The following LARS1 variants were observed in gnomAD, a reference collection of about 807,000 sequenced individuals.
The protein encoded by LARS1 is leucine--tRNA ligase, cytoplasmic.
LARS1 carries 100 observed loss-of-function variants against 162.8 expected under a neutral mutation model. The ratio of observed to expected loss-of-function variants is 0.61; its 90% CI spans 0.52 to 0.73. LARS1 has a LOEUF of 0.73. LARS1 is among the 30% of genes least tolerant of loss of function. The pLI is 0.00. For missense variants in LARS1, 1,258 were observed against 1,408.9 expected, an observed-to-expected ratio of 0.89 and a Z score of 1.71; for synonymous variants, 457 against 462.8, an observed-to-expected ratio of 0.99 and a Z score of 0.16.
intron 31 of LARS1, among the ~76,000 whole-genome samples, chr5:146,119,166 T>C (rs77640403): frequency 0.035 from 5,290 of 152,228 alleles, 321 homozygotes; most frequent in African/African-American, 0.12. Flanking sequence ...TACATTATCA[T>C]ACACTGCAAT....
At chr5:146,145,572 T>C (rs1307712977) in intron 15 of LARS1, among the ~76,000 whole-genome samples, 5 of 152,218 alleles carry the variant, frequency 3.3e-5, no homozygotes, top group Non-Finnish European at 5.9e-5. Context: ...CCTAAATACT[T>C]TAAGCATGAA....
intron 29 of LARS1, 147 bp from the exon 30 acceptor site, chr5:146,122,734 A>AAC (rs1751881778): frequency 9.1e-6 from 4 of 441,776 alleles, no homozygotes; most frequent in African/African-American, 2.0e-5. Context: ...TATAAATATT[A>AAC]AATGAAATCT....
intron 22 of LARS1, among the ~76,000 whole-genome samples, chr5:146,134,516 A>G (rs1469940141): frequency 2.0e-5 from 3 of 152,254 alleles, no homozygotes; most frequent in African/African-American, 7.2e-5. Flanking sequence ...GACTAATTAT[A>G]TAAGAAATGA....
At chr5:146,146,746 C>T (rs1309520508) in intron 15 of LARS1, among the ~76,000 whole-genome samples, 1 of 150,784 alleles carries the variant, frequency 6.6e-6, no homozygotes, top group Non-Finnish European at 1.5e-5. Flanking sequence ...TGAGACAGCG[C>T]TCTGTCGCCC....
At chr5:146,137,700 C>A in intron 21 of LARS1, 1 of 200,360 alleles carries the variant, frequency 5.0e-6, no homozygotes, top group Non-Finnish European at 1.0e-5. Flanking sequence ...ATAGCTCTTC[C>A]CATCATCTTG....
Position 146,157,494 on chromosome 5 carries a change from A to G in LARS1, c.974T>C (p.Ile325Thr). 1 of 1,614,200 alleles carries G rather than the reference A, an allele frequency of 6.2e-7. No individual in the cohort carries two copies. Among genetic ancestry groups the G allele is most frequent in the South Asian group, 1.1e-5 (1 of 91,088 alleles). The part of the protein sequence containing the change: ...GFETVNGDIF[I>T]CTQKAARNMS... ...ATTCCTGGCTGCTTTTTGGGTACAGATGAATATATCACCATTCACCGTCTC... is the reference window on the plus strand; with the variant it reads ...ATTCCTGGCTGCTTTTTGGGTACAGGTGAATATATCACCATTCACCGTCTC... Residue 325 changes from isoleucine to threonine, a missense_variant, in exon 10 of 32, where the codon ATC (isoleucine) becomes ACC (threonine). Coordinates refer to ENST00000394434, the MANE Select transcript of LARS1 (RefSeq NM_020117.11).
intron 15 of LARS1, 88 bp from the exon 16 acceptor site, chr5:146,144,797 A>G (rs1012270615): frequency 1.1e-4 from 125 of 1,143,946 alleles, no homozygotes; most frequent in Non-Finnish European, 5.2e-5. Flanking sequence ...AAAAAATGCT[A>G]TACCACCAAT....
chr5:146,176,194 C>A (rs1254600121), intron 2 of LARS1, among the ~76,000 whole-genome samples: 1 of 151,850 alleles, frequency 6.6e-6, no homozygotes, highest in East Asian at 1.9e-4. Context: ...TGGCTTATGC[C>A]TGTAATCCCG....
intron 31 of LARS1, among the ~76,000 whole-genome samples, 185 bp from the exon 32 acceptor site, chr5:146,114,496 G>A (rs1444253023): frequency 6.6e-6 from 1 of 152,122 alleles, no homozygotes; most frequent in African/African-American, 2.4e-5. Context: ...CACTTTGGAA[G>A]GCTGAGGCGG....
chr5:146,122,967 T>C (rs1273001293), intron 29 of LARS1, among the ~76,000 whole-genome samples: 1 of 151,956 alleles, frequency 6.6e-6, no homozygotes, highest in Non-Finnish European at 1.5e-5. Context: ...CTCAGAAATA[T>C]AGCACAGTGC....
chr5:146,159,087 C>G (rs1300835028), intron 8 of LARS1, among the ~76,000 whole-genome samples: 1 of 150,506 alleles, frequency 6.6e-6, no homozygotes, highest in Admixed American at 6.6e-5. Context: ...AAGAGCAAGA[C>G]TCCGTCTGAA....
chr5:146,149,736 A>G (rs184326242), intron 14 of LARS1, 37 bp from the exon 15 acceptor site: 76 of 1,452,294 alleles, frequency 5.2e-5, no homozygotes, highest in Non-Finnish European at 6.9e-5. Flanking sequence ...CACATATAAA[A>G]CAGTTAGAAT....
chr5:146,114,332 A>G (rs1336643529), intron 31 of LARS1, 21 bp from the exon 32 acceptor site: 1 of 1,591,628 alleles, frequency 6.3e-7, no homozygotes. Flanking sequence ...ATAAATTATC[A>G]ATATAAGCAT....
At position 146,124,009 on chromosome 5, in the gene LARS1, A is replaced by G; in HGVS notation, c.3069T>C (p.Asn1023=). Residue 1023 remains asparagine (N), a synonymous_variant, in exon 29 of 32, where the codon AAT becomes AAC. Coordinates refer to ENST00000394434, the MANE Select transcript of LARS1 (RefSeq NM_020117.11). ...CAAGCGAATTAGTCAGATAGACTAT[A>G]TTCTCCATAAGCACAGCCTTTTCAT... is the stretch of plus-strand genomic sequence containing the variant. ...EFDEKAVLME[N]IVYLTNSLEL... 1.9e-6 allele frequency: 3 copies of G among 1,608,290 alleles called. No homozygotes were observed. Among genetic ancestry groups the G allele is most frequent in the Non-Finnish European group, 2.6e-6 (3 of 1,175,686 alleles).
chr5:146,123,977 C>T lies in LARS1; in HGVS notation c.3096+5G>A, dbSNP rs1417608557. ...ACTGGTTATTACAATCCCTGGCCCT[C>T]TTACCTCAAGCGAATTAGTCAGATA... is the stretch of plus-strand genomic sequence containing the variant. On this transcript the variant is annotated splice_donor_5th_base_variant and intron_variant, in intron 29 of 31. Transcript: ENST00000394434. 6.5e-7 allele frequency: 1 copy of T among 1,541,250 alleles called. No homozygotes were observed.
chr5:146,171,363 A>T (rs1032076034), intron 4 of LARS1, among the ~76,000 whole-genome samples: 9 of 152,052 alleles, frequency 5.9e-5, no homozygotes, highest in Non-Finnish European at 8.8e-5. Context: ...GTCTCAAAAA[A>T]AAAATAAAAT....
At chr5:146,144,730 A>G (rs1274144181) in intron 15 of LARS1, 21 bp from the exon 16 acceptor site, 8 of 1,566,486 alleles carry the variant, frequency 5.1e-6, no homozygotes, top group Non-Finnish European at 7.0e-6. Context: ...GTAAATAAAC[A>G]TACATTAGAT....
intron 27 of LARS1, among the ~76,000 whole-genome samples, chr5:146,127,261 A>G (rs1176923414): frequency 2.0e-5 from 3 of 152,128 alleles, no homozygotes; most frequent in African/African-American, 4.8e-5. Flanking sequence ...AACTTTTACT[A>G]AAGTACATGG....
In LARS1 at chr5:146,133,083, TGGAA is replaced by T; in HGVS notation, c.2213-6_2213-3del. On this transcript the variant is annotated splice_region_variant and splice_polypyrimidine_tract_variant and intron_variant, in intron 22 of 31. Transcript: ENST00000394434. ...CATCAGCCAGAGCCAAACGCATTCC[TGGAA>T]GAAGAAAAAAAAATTCAATGCATTA... 1 of 1,610,050 alleles carries T rather than the reference TGGAA, an allele frequency of 6.2e-7. No individual in the cohort carries two copies. Among genetic ancestry groups the T allele is most frequent in the Non-Finnish European group, 8.5e-7 (1 of 1,178,644 alleles).
Sources: allele counts gnomAD v4.1 joint callset (sites outside exome capture counted in the v4.1 genomes callset), GRCh38; gene constraint gnomAD v4.1.1; transcripts MANE v1.5; gene names NCBI Gene and HGNC (gene_info 2026-07-23, HGNC 2026-07-21).